Variants in ACSS2 observed in about 807,000 individuals in gnomAD.
ACSS2 encodes the protein acetyl-coenzyme A synthetase, cytoplasmic.
Under a neutral mutation model 90.6 loss-of-function variants are expected in ACSS2, and 58 were observed. The ratio of observed to expected loss-of-function variants is 0.64; its 90% CI spans 0.52 to 0.80. The LOEUF is 0.80. Ranked by LOEUF, ACSS2 falls within the 30% of genes least tolerant of loss-of-function variation. The pLI is 0.00. For missense variants in ACSS2, 759 were observed against 912.0 expected (o/e 0.83, Z 2.16); for synonymous variants, 300 against 330.9 (o/e 0.91, Z 1.01).
chr20:34,926,379 A>T, intron 16 of ACSS2, 98 bp downstream of exon 16: 1 of 1,366,218 alleles, frequency 7.3e-7, no homozygotes, highest in Non-Finnish European at 9.9e-7. Context: ...CTGCTCCCCA[A>T]ACCACAAACA....
At chr20:34,889,248 G>A (rs1205007961) in intron 2 of ACSS2, among the ~76,000 whole-genome samples, 7 of 151,734 alleles carry the variant, frequency 4.6e-5, no homozygotes, top group South Asian at 4.2e-4. Flanking sequence ...TCAGCTTCCC[G>A]AGCAGCTGGT....
chr20:34,912,983 C>T, intron 2 of ACSS2, 113 bp from the exon 3 acceptor site: 3 of 831,940 alleles, frequency 3.6e-6, no homozygotes, highest in Non-Finnish European at 6.3e-6. Context: ...AGCTCATCCT[C>T]ATAGAACAGT....
chr20:34,899,416 T>TTCTTTCTTTC (rs1555882538), intron 2 of ACSS2, among the ~76,000 whole-genome samples: 11,673 of 114,666 alleles, frequency 0.1, 672 homozygotes, highest in African/African-American at 0.12. Flanking sequence ...CTTTCTTTCT[T>TTCTTTCTTTC]TCTTTCTTTC....
intron 7 of ACSS2, 122 bp from the exon 8 acceptor site, chr20:34,919,313 C>T: frequency 1.4e-6 from 2 of 1,425,176 alleles, no homozygotes; most frequent in Non-Finnish European, 1.9e-6. Context: ...CCTTGAAGGG[C>T]CTTCTCTCCC....
At chr20:34,911,526 T>C (rs1195315351) in intron 2 of ACSS2, among the ~76,000 whole-genome samples, 1 of 151,730 alleles carries the variant, frequency 6.6e-6, no homozygotes, top group African/African-American at 2.4e-5. Context: ...GGTCTTGCTA[T>C]GTTGCCAGGC....
intron 8 of ACSS2, among the ~76,000 whole-genome samples, chr20:34,919,915 CTCTT>C (rs1478468282): frequency 6.6e-6 from 1 of 152,106 alleles, no homozygotes; most frequent in Non-Finnish European, 1.5e-5. Context: ...AAGACCATAA[CTCTT>C]AGAGTTCAAT....
At chr20:34,907,136 T>C (rs1485564233) in intron 2 of ACSS2, among the ~76,000 whole-genome samples, 2 of 151,900 alleles carry the variant, frequency 1.3e-5, no homozygotes, top group Non-Finnish European at 2.9e-5. Context: ...TTTTTTTTTT[T>C]TGAGACAGTC....
chr20:34,914,544 T>C, intron 7 of ACSS2, 107 bp downstream of exon 7: 1 of 995,982 alleles, frequency 1.0e-6, no homozygotes, highest in Non-Finnish European at 1.4e-6. Context: ...ATACTGAGGA[T>C]CCAGGAGCAA....
At chr20:34,902,923 G>A (rs2080704947) in intron 2 of ACSS2, among the ~76,000 whole-genome samples, 1 of 144,578 alleles carries the variant, frequency 6.9e-6, no homozygotes, top group African/African-American at 2.6e-5. Context: ...AGTAGAGAGA[G>A]CATTTCGCTA....
Position 34,913,369 on chromosome 20 carries a change from C to T in ACSS2, c.467-24C>T, listed in dbSNP as rs188477746. 214 of 1,609,888 alleles carry T rather than the reference C, an allele frequency of 1.3e-4. No individual in the cohort carries two copies. In the African/African-American group the frequency reaches 2.2e-3, roughly 17 times the overall value. On this transcript the variant is annotated intron_variant, in intron 3 of 17. Coordinates refer to ENST00000360596, the MANE Select transcript of ACSS2 (RefSeq NM_018677.4). ...GTAGCAGCAAGAAGGGTTCATGGTT[C>T]ATATTCTGTGCTTTTACCTGCAGGC...
chr20:34,898,281 C>G (rs1432933425), intron 2 of ACSS2, among the ~76,000 whole-genome samples: 1 of 152,202 alleles, frequency 6.6e-6, no homozygotes, highest in East Asian at 1.9e-4. Context: ...TGGCCCCACC[C>G]ACATCCTGCT....
chr20:34,914,368 G>A lies in ACSS2; in HGVS notation c.765G>A (p.Arg255=). The A allele has an allele frequency of 1.2e-6, 2 of 1,613,890 alleles. No homozygotes were observed. The highest frequency in any genetic ancestry group is 2.2e-5 in the East Asian group (1 of 44,884). ...RCCIVVKHLG[R]AELGMGDSTS... is the part of the protein sequence containing the mutation. ...GCATTGTGGTCAAGCACCTGGGGCG[G>A]GCAGAGCTCGGCATGGGTGACTCCA... Residue 255 remains arginine (R), a synonymous_variant, in exon 7 of 18, where the codon CGG becomes CGA. Coordinates refer to ENST00000360596, the MANE Select transcript of ACSS2 (RefSeq NM_018677.4).
At chr20:34,926,644 A>G (rs1411178713) in intron 16 of ACSS2, among the ~76,000 whole-genome samples, 1 of 152,182 alleles carries the variant, frequency 6.6e-6, no homozygotes, top group African/African-American at 2.4e-5. Context: ...CACTGCTAGA[A>G]AGGTGGCATT....
chr20:34,925,611 T>A (rs1406027027), intron 14 of ACSS2, 87 bp from the exon 15 acceptor site: 2 of 1,404,426 alleles, frequency 1.4e-6, no homozygotes, highest in African/African-American at 2.8e-5. Flanking sequence ...GTTAGAAGGC[T>A]ATTGCAGAAG....
At position 34,927,225 on chromosome 20, in the gene ACSS2, GACCT is replaced by G; in HGVS notation, c.*12_*15del. 6.2e-7 allele frequency: 1 copy of G among 1,612,800 alleles called. No homozygotes were observed. Among genetic ancestry groups the G allele is most frequent in the Non-Finnish European group, 8.5e-7 (1 of 1,179,992 alleles). ...CTGACCATCCAGTGAACATGATCCTGACCTTTACCTAGGATTCCTCCTGCTCCAA... is the reference window on the plus strand; with the variant it reads ...CTGACCATCCAGTGAACATGATCCTGTTACCTAGGATTCCTCCTGCTCCAA... On this transcript the variant is annotated 3_prime_UTR_variant, in exon 18 of 18. Coordinates refer to ENST00000360596, the MANE Select transcript of ACSS2 (RefSeq NM_018677.4). This position sits in a 1 kb window ranked among gnomAD's most constrained non-coding sequence, Gnocchi z 4.2.
intron 2 of ACSS2, among the ~76,000 whole-genome samples, chr20:34,899,076 A>T (rs1411253584): frequency 6.6e-6 from 1 of 152,138 alleles, no homozygotes; most frequent in Admixed American, 6.5e-5. Context: ...TGGGGCCGGC[A>T]GGGCCGGCCG....
intron 1 of ACSS2, among the ~76,000 whole-genome samples, chr20:34,878,175 T>C (rs1335687924): frequency 1.3e-5 from 2 of 152,212 alleles, no homozygotes; most frequent in African/African-American, 4.8e-5. Context: ...CCTCAGGCTT[T>C]CCTCCTTACT....
At chr20:34,917,981 T>A (rs2081111877) in intron 7 of ACSS2, among the ~76,000 whole-genome samples, 1 of 152,098 alleles carries the variant, frequency 6.6e-6, no homozygotes, top group Non-Finnish European at 1.5e-5. Flanking sequence ...TTGAACTCAC[T>A]CCTCACCTCA....
intron 2 of ACSS2, among the ~76,000 whole-genome samples, chr20:34,885,412 A>T (rs2080168287): frequency 6.6e-6 from 1 of 151,804 alleles, no homozygotes; most frequent in East Asian, 1.9e-4. Context: ...TTCCCCTACC[A>T]CCCTTACCTG....
Sources: allele counts gnomAD v4.1 joint callset (sites outside exome capture counted in the v4.1 genomes callset), GRCh38; gene constraint gnomAD v4.1.1; non-coding constraint Gnocchi (gnomAD v3.1); transcripts MANE v1.5; gene names NCBI Gene and HGNC (gene_info 2026-07-23, HGNC 2026-07-21).